The following ZNF532 variants were observed in gnomAD, a reference collection of about 807,000 sequenced individuals.
The protein encoded by ZNF532 is zinc finger protein 532.
A neutral mutation model predicts 89.3 loss-of-function variants in ZNF532; 22 were observed. The ratio of observed to expected loss-of-function variants is 0.25; its 90% CI spans 0.18 to 0.35. The LOEUF is 0.35. Among genes scored for constraint, ZNF532 ranks in the 10% least tolerant of loss-of-function variants. The pLI, the probability that ZNF532 is intolerant of heterozygous loss-of-function variation, is 1.00. For synonymous variants in ZNF532, 606 were observed against 649.6 expected (o/e 0.93, Z 1.02); for missense variants, 1,132 against 1,643.4 (o/e 0.69, Z 5.38).
At chr18:58,888,713 A>ATATAAAATTATATATATATAATT (rs1555708865) in intron 2 of ZNF532, among the ~76,000 whole-genome samples, 835 of 17,690 alleles carry the variant, frequency 0.047, 72 homozygotes, top group Middle Eastern at 0.12. Context: ...ATATATATAT[A>ATATAAAATTATATATATATAATT]TATATATATA....
rs951613245 is a variant in ZNF532, at chr18:58,982,586, C to T, written c.3411+969C>T. 3.3e-5 allele frequency among the ~76,000 whole-genome samples: 5 copies of T among 152,228 alleles called. No homozygotes were observed. In the East Asian group the frequency reaches 9.6e-4, roughly 29 times the overall value. Reference sequence around the variant, plus strand: ...GCAGTGTGCCAAGATCACGCCACTGCACTTTAGTCTAGGCAATAGAACGAG... The same window carrying T: ...GCAGTGTGCCAAGATCACGCCACTGTACTTTAGTCTAGGCAATAGAACGAG... On this transcript the variant is annotated intron_variant, in intron 9 of 9. Coordinates refer to ENST00000591808, the MANE Select transcript of ZNF532 (RefSeq NM_001375912.1).
chr18:58,924,846 C>CT (rs1478287210), intron 3 of ZNF532, among the ~76,000 whole-genome samples: 2 of 152,180 alleles, frequency 1.3e-5, no homozygotes, highest in East Asian at 3.9e-4. Flanking sequence ...ATAATTTTTT[C>CT]ATTTCAGGAA....
chr18:58,971,657 G>GT (rs1458253178), intron 7 of ZNF532, among the ~76,000 whole-genome samples: 1 of 152,200 alleles, frequency 6.6e-6, no homozygotes, highest in African/African-American at 2.4e-5. Flanking sequence ...TAGAGCTGGT[G>GT]TGGGAAACTC....
At chr18:58,918,208 G>T (rs2060747049) in intron 2 of ZNF532, 63 bp from the exon 3 acceptor site, 2 of 1,422,752 alleles carry the variant, frequency 1.4e-6, no homozygotes, top group African/African-American at 2.8e-5. Flanking sequence ...ATTGTATAGG[G>T]GTTTTATCTC....
At chr18:58,890,833 CCTTT>C (rs2058845790) in intron 2 of ZNF532, among the ~76,000 whole-genome samples, 1 of 151,608 alleles carries the variant, frequency 6.6e-6, no homozygotes, top group Non-Finnish European at 1.5e-5. Flanking sequence ...TCCTCTCCTT[CCTTT>C]TTTTTTTTCC....
chr18:58,879,429 G>A (rs1020064608), intron 2 of ZNF532, among the ~76,000 whole-genome samples: 7 of 152,244 alleles, frequency 4.6e-5, no homozygotes, highest in South Asian at 2.1e-4. Context: ...AGGGAGTCTC[G>A]CTCTGTTGCC....
At chr18:58,948,295 C>A in intron 6 of ZNF532, 66 bp downstream of exon 6, 1 of 1,504,748 alleles carries the variant, frequency 6.6e-7, no homozygotes, top group Non-Finnish European at 9.0e-7. Context: ...TAAATCAAGG[C>A]TGAGCTGCAG....
chr18:58,941,427 A>G (rs2063008522), intron 5 of ZNF532, among the ~76,000 whole-genome samples: 1 of 150,554 alleles, frequency 6.6e-6, no homozygotes, highest in African/African-American at 2.4e-5. Flanking sequence ...TGGGTATTGT[A>G]TAGAAAACAA....
At chr18:58,933,125 G>A (rs2062095828) in intron 3 of ZNF532, among the ~76,000 whole-genome samples, 1 of 152,038 alleles carries the variant, frequency 6.6e-6, no homozygotes, top group South Asian at 2.1e-4. Context: ...CTGTTGACTG[G>A]TTTTCCTTGC....
intron 2 of ZNF532, among the ~76,000 whole-genome samples, chr18:58,917,321 G>A (rs1414633046): frequency 1.3e-5 from 2 of 152,294 alleles, no homozygotes; most frequent in South Asian, 2.1e-4. Context: ...CTAGAAAGAT[G>A]AGTGACACTT....
At chr18:58,964,535 TTGTGTGTG>T (rs200298951) in intron 7 of ZNF532, among the ~76,000 whole-genome samples, 9,423 of 138,566 alleles carry the variant, frequency 0.068, 498 homozygotes, top group African/African-American at 0.14. Context: ...GATATTTTGT[TTGTGTGTG>T]TGTGTGTGTG....
chr18:58,924,179 C>T (rs79339541), intron 3 of ZNF532, among the ~76,000 whole-genome samples: 5,485 of 152,280 alleles, frequency 0.036, 101 homozygotes, highest in East Asian at 0.057. Context: ...TATTTTAACA[C>T]TTTAACTCCA....
At position 58,919,319 on chromosome 18, in the gene ZNF532, C is replaced by T. The variant is rs752286444; in HGVS notation, c.1032C>T (p.Ser344=). The T allele has an allele frequency of 1.9e-6, 3 of 1,614,194 alleles. No homozygotes were observed. In the Admixed American group the frequency reaches 5.0e-5, roughly 27 times the overall value. ...SPRSISSENS[S]KGSPSSPAGS... ...GAAGCATCTCAAGTGAGAACAGCAG[C>T]AAAGGATCCCCGTCCTCTCCCGCAG... Residue 344 remains serine, a synonymous_variant, in exon 3 of 10, where the codon AGC becomes AGT. Coordinates refer to ENST00000591808, the MANE Select transcript of ZNF532 (RefSeq NM_001375912.1). This position sits in a 1 kb window ranked among gnomAD's most constrained non-coding sequence, Gnocchi z 6.1.
chr18:58,925,477 A>G (rs750281618), intron 3 of ZNF532, among the ~76,000 whole-genome samples: 2 of 152,222 alleles, frequency 1.3e-5, no homozygotes, highest in Non-Finnish European at 2.9e-5. Flanking sequence ...CTTTTACAAC[A>G]GATCAATTGG....
intron 2 of ZNF532, among the ~76,000 whole-genome samples, chr18:58,909,359 T>C (rs898642870): frequency 4.6e-5 from 7 of 152,288 alleles, no homozygotes; most frequent in African/African-American, 1.7e-4. Context: ...AGTTTTAAGT[T>C]TGACCTCGTG....
intron 2 of ZNF532, among the ~76,000 whole-genome samples, chr18:58,881,151 G>A (rs546391034): frequency 1.3e-5 from 2 of 151,358 alleles, no homozygotes; most frequent in African/African-American, 4.8e-5. Flanking sequence ...GCCCGGGCTG[G>A]AGTGCAGTGG....
At chr18:58,962,800 A>T (rs1271259275) in intron 7 of ZNF532, among the ~76,000 whole-genome samples, 1 of 151,870 alleles carries the variant, frequency 6.6e-6, no homozygotes, top group African/African-American at 2.4e-5. Context: ...ACGGGGTTTC[A>T]CCATGTTAGC....
chr18:58,953,393 ATT>A lies in ZNF532; in HGVS notation c.2869-124_2869-123del, dbSNP rs1305679036. On this transcript the variant is annotated intron_variant, in intron 6 of 9. Transcript: ENST00000591808. The stretch of plus-strand genomic sequence containing the variant: ...TTAGCTTAGGTTTTTTTCTTTATAT[ATT>A]AAATATTTCTGAATGAATATAAACT... The A allele has an allele frequency of 3.7e-6, 3 of 804,280 alleles. No individual in the cohort carries two copies. The African/African-American group carries it at 5.2e-5, about 14-fold the overall frequency. The allele number at this position is 804,280 out of a possible 1,614,324, so 49.8% of individuals were successfully genotyped here.
chr18:58,877,839 G>A (rs1305473454), intron 2 of ZNF532, among the ~76,000 whole-genome samples: 1 of 152,218 alleles, frequency 6.6e-6, no homozygotes, highest in East Asian at 1.9e-4. Flanking sequence ...TGTGGGGCCA[G>A]CCCTGGATTA....
Sources: allele counts gnomAD v4.1 joint callset (sites outside exome capture counted in the v4.1 genomes callset), GRCh38; gene constraint gnomAD v4.1.1; non-coding constraint Gnocchi (gnomAD v3.1); transcripts MANE v1.5; gene names NCBI Gene and HGNC (gene_info 2026-07-23, HGNC 2026-07-21).